The following DMXL2 variants were observed in gnomAD, a reference collection of about 807,000 sequenced individuals.
DMXL2 encodes the protein Dmx like 2.
A neutral mutation model predicts 331.1 loss-of-function variants in DMXL2; 103 were observed. That is an observed-to-expected ratio of 0.31 (90% confidence interval 0.27 to 0.37). The LOEUF (loss-of-function observed/expected upper bound fraction) is 0.37. DMXL2 is among the 10% of genes least tolerant of loss of function. The pLI, the probability that DMXL2 is intolerant of heterozygous loss-of-function variation, is 1.00. For missense variants in DMXL2, 3,171 were observed against 3,642.9 expected, an observed-to-expected ratio of 0.87 and a Z score of 3.33; for synonymous variants, 1,281 against 1,252.1, an observed-to-expected ratio of 1.02 and a Z score of -0.49.
rs1330725278 is a variant in DMXL2 at position 51,488,610 on chromosome 15, G to A, written c.4989C>T (p.Ala1663=). 1 of 1,612,522 alleles carries A rather than the reference G, an allele frequency of 6.2e-7. No individual in the cohort carries two copies. Among genetic ancestry groups the A allele is most frequent in the East Asian group, 2.2e-5 (1 of 44,812 alleles). Residue 1663 remains alanine (A), a synonymous_variant, in exon 21 of 44, where the codon GCC becomes GCT. Transcript: ENST00000560891. ...AAAGGTAGAATAGTGCAGCATCTAA[G>A]GCATCATTGTTCCTTTGAAAAGAAG... ...AKASFQRNND[A]LDAALFYLSM...
At chr15:51,494,667 AAC>A (rs976841370) in intron 19 of DMXL2, among the ~76,000 whole-genome samples, 23 of 152,290 alleles carry the variant, frequency 1.5e-4, no homozygotes, top group African/African-American at 5.3e-4. Context: ...TAAATATAAA[AAC>A]ACATCGCAGA....
At chr15:51,461,392 C>A (rs889621438) in intron 33 of DMXL2, among the ~76,000 whole-genome samples, 1 of 152,208 alleles carries the variant, frequency 6.6e-6, no homozygotes, top group Non-Finnish European at 1.5e-5. Context: ...GCACTCTACA[C>A]TCTGACAAGT....
At chr15:51,500,791 C>G (rs561736896) in intron 17 of DMXL2, among the ~76,000 whole-genome samples, 43 of 152,270 alleles carry the variant, frequency 2.8e-4, no homozygotes, top group African/African-American at 9.9e-4. Context: ...TAGCACTGAA[C>G]CAGAACCCTC....
chr15:51,591,551 A>T (rs1482157927), intron 1 of DMXL2, among the ~76,000 whole-genome samples: 1 of 152,204 alleles, frequency 6.6e-6, no homozygotes, highest in East Asian at 1.9e-4. Flanking sequence ...TGCAGACTTA[A>T]ATGTCCGTCT....
intron 1 of DMXL2, among the ~76,000 whole-genome samples, chr15:51,587,957 T>C (rs1033290755): frequency 1.6e-4 from 25 of 152,228 alleles, no homozygotes; most frequent in Admixed American, 7.2e-4. Flanking sequence ...TTTGGCTGCA[T>C]AAATGTCTTC....
intron 1 of DMXL2, among the ~76,000 whole-genome samples, chr15:51,587,503 ATTT>A (rs1399901337): frequency 6.6e-6 from 1 of 152,094 alleles, no homozygotes; most frequent in Non-Finnish European, 1.5e-5. Context: ...TGAACTCATC[ATTT>A]TTTATGGCTG....
At chr15:51,554,471 A>G (rs2049421678) in intron 6 of DMXL2, among the ~76,000 whole-genome samples, 1 of 152,230 alleles carries the variant, frequency 6.6e-6, no homozygotes, top group Non-Finnish European at 1.5e-5. Flanking sequence ...CATGAATTAT[A>G]TTATTTCTCA....
chr15:51,587,635 G>A (rs750253449), intron 1 of DMXL2, among the ~76,000 whole-genome samples: 2 of 152,198 alleles, frequency 1.3e-5, no homozygotes, highest in Non-Finnish European at 2.9e-5. Context: ...ACATACGTGT[G>A]CATGTGTCTT....
intron 22 of DMXL2, among the ~76,000 whole-genome samples, chr15:51,487,439 A>T (rs764821001): frequency 6.7e-6 from 1 of 148,710 alleles, no homozygotes; most frequent in African/African-American, 2.4e-5. Flanking sequence ...CTTGAAATGC[A>T]ATGTGCCATA....
intron 1 of DMXL2, among the ~76,000 whole-genome samples, chr15:51,613,361 C>T (rs190659772): frequency 4.2e-4 from 64 of 152,314 alleles, no homozygotes; most frequent in African/African-American, 1.5e-3. Context: ...TAATAAATGT[C>T]CATGAAATCT....
chr15:51,500,642 G>C (rs573721683), intron 17 of DMXL2, among the ~76,000 whole-genome samples: 1 of 152,234 alleles, frequency 6.6e-6, no homozygotes, highest in East Asian at 1.9e-4. Context: ...ACTTAACTGA[G>C]CTTTACAATT....
At chr15:51,450,021 G>A in intron 43 of DMXL2, 108 bp downstream of exon 43, 1 of 1,010,852 alleles carries the variant, frequency 9.9e-7, no homozygotes, top group Non-Finnish European at 1.5e-6. Context: ...TCTCCATGCA[G>A]TAGCCCAAGT....
At position 51,456,163 on chromosome 15, in the gene DMXL2, C is replaced by T. The variant is rs760303033; in HGVS notation, c.8429G>A (p.Arg2810Gln). The change falls in exon 39 of 44, where the codon CGA becomes CAA. Residue 2810 changes from arginine (R) to glutamine (Q), a missense_variant. This residue lies in a region of DMXL2 where 766 missense variants were observed against 940.5 expected (regional missense o/e 0.81). Coordinates refer to ENST00000560891, the MANE Select transcript of DMXL2 (RefSeq NM_001378457.1). The stretch of plus-strand genomic sequence containing the variant: ...CTGAGGCCGCGTCCATTCAAACATT[C>T]GTACACTGCCGTCCTGAGCACCTGT... ...YLTGAQDGSV[R>Q]MFEWTRPQQL... is the part of the protein sequence containing the mutation. 4 of 1,614,134 alleles carry T rather than the reference C, an allele frequency of 2.5e-6. No individual in the cohort carries two copies. Among genetic ancestry groups the T allele is most frequent in the Admixed American group, 3.3e-5 (2 of 60,026 alleles).
At chr15:51,612,587 G>A (rs1013492734) in intron 1 of DMXL2, among the ~76,000 whole-genome samples, 1 of 152,196 alleles carries the variant, frequency 6.6e-6, no homozygotes, top group Non-Finnish European at 1.5e-5. Flanking sequence ...TTTCAAAAGG[G>A]GAGGGAGTGT....
chr15:51,568,399 C>T, intron 3 of DMXL2, 88 bp downstream of exon 3: 1 of 827,586 alleles, frequency 1.2e-6, no homozygotes, highest in Non-Finnish European at 1.8e-6. Context: ...ATTTTCAGCA[C>T]TAGCTCCTAA....
chr15:51,544,684 G>A (rs2048795838), intron 8 of DMXL2, among the ~76,000 whole-genome samples: 1 of 152,032 alleles, frequency 6.6e-6, no homozygotes, highest in Non-Finnish European at 1.5e-5. Context: ...AATATATAAT[G>A]TAAAAGTATA....
chr15:51,621,660 T>C (rs2141479991), intron 1 of DMXL2, among the ~76,000 whole-genome samples: 1 of 152,312 alleles, frequency 6.6e-6, no homozygotes, highest in East Asian at 1.9e-4. Context: ...TTCATCTAGC[T>C]TTTAAGGAGA....
At chr15:51,591,138 G>A (rs147073893) in intron 1 of DMXL2, among the ~76,000 whole-genome samples, 5,075 of 152,308 alleles carry the variant, frequency 0.033, 152 homozygotes, top group South Asian at 0.081. Context: ...GCGAGGCATC[G>A]CCTCACCCAG....
At chr15:51,567,612 A>C (rs2050378631) in intron 3 of DMXL2, 1 of 152,268 alleles carries the variant, frequency 6.6e-6, no homozygotes, top group African/African-American at 2.4e-5. Context: ...AAAGAAAACA[A>C]ACAACACAAA....
Sources: allele counts gnomAD v4.1 joint callset (sites outside exome capture counted in the v4.1 genomes callset), GRCh38; gene constraint gnomAD v4.1.1; regional missense constraint gnomAD v4.1.1; transcripts MANE v1.5; gene names NCBI Gene and HGNC (gene_info 2026-07-23, HGNC 2026-07-21).